The following ADPRHL1 variants were observed in gnomAD, a reference collection of about 807,000 sequenced individuals.
ADPRHL1 encodes inactive ADP-ribosyltransferase ARH2.
In ADPRHL1, 43 loss-of-function variants were observed where a neutral mutation model predicts 44.1. The observed-to-expected ratio is 0.98, with a 90% confidence interval of 0.76 to 1.26. The LOEUF (loss-of-function observed/expected upper bound fraction) is 1.26, where lower values mean the gene tolerates loss of function less well. Among genes scored for constraint, ADPRHL1 ranks in the 50% most tolerant of loss-of-function variants. ADPRHL1 has a pLI of 0.00. For missense variants in ADPRHL1, 2,022 were observed against 2,496.9 expected (o/e 0.81, Z 4.05); for synonymous variants, 878 against 1,017.4 (o/e 0.86, Z 2.61).
At position 113,403,280 on chromosome 13, in the gene ADPRHL1, G is replaced by T; in HGVS notation, c.*98C>A. 9.9e-7 allele frequency: 1 copy of T among 1,006,454 alleles called. No homozygotes were observed. The highest frequency in any genetic ancestry group is 1.3e-6 in the Non-Finnish European group (1 of 782,936). 62.3% of individuals were successfully genotyped at this position (1,006,454 alleles called of 1,614,324 possible). A position where few individuals can be genotyped will look rare whatever the true frequency, so the allele number is the denominator to read the frequency against. ...TTATGGAAACAGGCGTCTCTGTAGG[G>T]GATGCTCCAAGACGCATTTGGAGGC... On this transcript the variant is annotated 3_prime_UTR_variant, in exon 8 of 8. Transcript: ENST00000612156.
Position 113,432,261 on chromosome 13 carries a change from C to T in ADPRHL1, c.505+1481G>A, listed in dbSNP as rs540872299. Among the ~76,000 whole-genome samples the T allele has an allele frequency of 3.3e-5, 5 of 152,090 alleles. No individual in the cohort carries two copies. In the South Asian group the frequency reaches 6.2e-4, roughly 19 times the overall value. On this transcript the variant is annotated intron_variant, in intron 3 of 7. Transcript: ENST00000612156. ...ACATCAGTAGCTGGAAACACAGGTG[C>T]GTGCCGTCATGCCTGGCTAATTTTT... is the stretch of plus-strand genomic sequence containing the variant.
chr13:113,420,073 C>T (rs2043907895), intron 7 of ADPRHL1, among the ~76,000 whole-genome samples: 1 of 152,156 alleles, frequency 6.6e-6, no homozygotes, highest in African/African-American at 2.4e-5. Context: ...AGCAGCTTTC[C>T]CCACACGCCG....
chr13:113,422,969 C>G lies in ADPRHL1; in HGVS notation c.918G>C (p.Ala306=), dbSNP rs559424116. ...HRAMFHGGES[A]ATGTIAGCLF... ...GGCAGCCTGCAATGGTGCCCGTGGCCGCGCTCTCCCCTGAAACGCAAAGGC... is the reference window on the plus strand; with the variant it reads ...GGCAGCCTGCAATGGTGCCCGTGGCGGCGCTCTCCCCTGAAACGCAAAGGC... The change falls in exon 7 of 8, where the codon GCG becomes GCC. Residue 306 remains alanine, a synonymous_variant. Coordinates refer to ENST00000612156, the MANE Select transcript of ADPRHL1 (RefSeq NM_001394807.1). 1 of 1,612,842 alleles carries G rather than the reference C, an allele frequency of 6.2e-7. No individual in the cohort carries two copies.
At position 113,408,262 on chromosome 13, in the gene ADPRHL1, T is replaced by C. The variant is rs150279387; in HGVS notation, c.1062-42A>G. 206 of 1,231,602 alleles carry C rather than the reference T, an allele frequency of 1.7e-4. 1 individual carries two copies. The African/African-American group carries it at 2.9e-3, about 18-fold the overall frequency. The allele number at this position is 1,231,602 out of a possible 1,614,324, so 76.3% of individuals were successfully genotyped here. A position where few individuals can be genotyped will look rare whatever the true frequency, so the allele number is the denominator to read the frequency against. On this transcript the variant is annotated intron_variant, in intron 7 of 7. Coordinates refer to ENST00000612156, the MANE Select transcript of ADPRHL1 (RefSeq NM_001394807.1). ...ATCATCACCTACTTCATCATCATTT[T>C]TCTCCAAGATGACTCTATAGAACAT...
chr13:113,435,096 C>A (rs1433746387), intron 2 of ADPRHL1, among the ~76,000 whole-genome samples: 2 of 139,014 alleles, frequency 1.4e-5, no homozygotes, highest in Non-Finnish European at 3.1e-5. Flanking sequence ...TACCCTGGGA[C>A]CCAGCACCCA....
Position 113,406,205 on chromosome 13 carries a change from TGCTG to T in ADPRHL1, c.3073_3076del (p.Gln1025LysfsTer35), listed in dbSNP as rs960143450. ...GTTTCTCCCAGTCGGGGACGGCACT[TGCTG>T]GCTGCTGGAGGCATGGCTGGTGTTT... is the stretch of plus-strand genomic sequence containing the variant. On this transcript the variant is annotated frameshift_variant, in exon 8 of 8. Transcript: ENST00000612156. LOFTEE classifies it low-confidence loss of function (END_TRUNC). 8.4e-5 allele frequency: 104 copies of T among 1,232,158 alleles called. No homozygotes were observed. In the African/African-American group the frequency reaches 1.3e-3, roughly 15 times the overall value. The allele number at this position is 1,232,158 out of a possible 1,614,324, so 76.3% of individuals were successfully genotyped here.
At chr13:113,430,902 C>G (rs2044002562) in intron 3 of ADPRHL1, among the ~76,000 whole-genome samples, 1 of 152,226 alleles carries the variant, frequency 6.6e-6, no homozygotes, top group Admixed American at 6.5e-5. Flanking sequence ...TTGCCGAGCC[C>G]TTGCCCCACT....
At position 113,444,594 on chromosome 13, in the gene ADPRHL1, G is replaced by A. The variant is rs745793071; in HGVS notation, c.215-5C>T. 29 of 1,612,250 alleles carry A rather than the reference G, an allele frequency of 1.8e-5. No homozygotes were observed. Among genetic ancestry groups the A allele is most frequent in the African/African-American group, 9.4e-5 (7 of 74,862 alleles). ...GATCATCCAGGCACCAGTAGTCTGC[G>A]GAAGAAAGGGAGGGCAGACATCAGA... is the stretch of plus-strand genomic sequence containing the variant. On this transcript the variant is annotated splice_region_variant and splice_polypyrimidine_tract_variant and intron_variant, in intron 1 of 7. Coordinates refer to ENST00000612156, the MANE Select transcript of ADPRHL1 (RefSeq NM_001394807.1).
intron 2 of ADPRHL1, among the ~76,000 whole-genome samples, chr13:113,440,208 T>C (rs1475284856): frequency 6.6e-6 from 1 of 152,254 alleles, no homozygotes; most frequent in Non-Finnish European, 1.5e-5. Flanking sequence ...TCACTGCCTA[T>C]AACTGTGGGT....
intron 1 of ADPRHL1, among the ~76,000 whole-genome samples, chr13:113,448,836 C>A (rs916459088): frequency 8.5e-5 from 13 of 152,240 alleles, no homozygotes; most frequent in Non-Finnish European, 1.8e-4. Flanking sequence ...CCGTTTAATC[C>A]TCTGTGACCT....
chr13:113,410,706 C>T (rs1311978521), intron 7 of ADPRHL1, among the ~76,000 whole-genome samples: 1 of 133,880 alleles, frequency 7.5e-6, no homozygotes, highest in African/African-American at 3.3e-5. Flanking sequence ...CCACACCCCC[C>T]TGAACCCAGA....
intron 7 of ADPRHL1, among the ~76,000 whole-genome samples, chr13:113,421,555 C>T (rs1201920435): frequency 1.3e-5 from 2 of 152,142 alleles, no homozygotes; most frequent in Non-Finnish European, 2.9e-5. Context: ...GGGAGGCGGC[C>T]GGGGAGTGAG....
intron 7 of ADPRHL1, among the ~76,000 whole-genome samples, chr13:113,418,523 A>C (rs892590661): frequency 1.3e-5 from 2 of 152,222 alleles, no homozygotes; most frequent in Non-Finnish European, 2.9e-5. Flanking sequence ...CTCTAATCAA[A>C]GAGTTTGGGA....
At chr13:113,410,911 G>A (rs1376778970) in intron 7 of ADPRHL1, among the ~76,000 whole-genome samples, 6 of 152,352 alleles carry the variant, frequency 3.9e-5, no homozygotes, top group South Asian at 2.1e-4. Flanking sequence ...TTGGCGGCCC[G>A]TGGAGGGCTG....
At position 113,427,685 on chromosome 13, in the gene ADPRHL1, G is replaced by A. The variant is rs574887273; in HGVS notation, c.646+1267C>T. Among the ~76,000 whole-genome samples the A allele has an allele frequency of 2.0e-5, 3 of 152,350 alleles. No individual in the cohort carries two copies. The East Asian group carries it at 5.8e-4, about 29-fold the overall frequency. On this transcript the variant is annotated intron_variant, in intron 4 of 7. Transcript: ENST00000612156. ...GAGATGAAACCACTGGAAACAAAGT[G>A]TGCTGTGGCCTGCCAGGTGTGCTCA...
chr13:113,450,272 T>C (rs1035643804), intron 1 of ADPRHL1, among the ~76,000 whole-genome samples: 17 of 152,188 alleles, frequency 1.1e-4, no homozygotes, highest in African/African-American at 3.9e-4. Flanking sequence ...CAATTTGTTA[T>C]TTAAAGAACA....
At chr13:113,408,613 T>G (rs2043826300) in intron 7 of ADPRHL1, among the ~76,000 whole-genome samples, 1 of 152,208 alleles carries the variant, frequency 6.6e-6, no homozygotes, top group Non-Finnish European at 1.5e-5. Flanking sequence ...TATAAAGAAG[T>G]GTCTATTCTC....
chr13:113,436,117 C>T (rs1216424743), intron 2 of ADPRHL1, among the ~76,000 whole-genome samples: 21 of 47,486 alleles, frequency 4.4e-4, no homozygotes, highest in Middle Eastern at 0.019. Context: ...AGCATCCACA[C>T]GTAGAGTGAA....
chr13:113,436,392 CCGGGACCCAGCACCCAGG>C (rs1166995274), intron 2 of ADPRHL1, among the ~76,000 whole-genome samples: 5 of 37,360 alleles, frequency 1.3e-4, no homozygotes, highest in Admixed American at 2.8e-4. Context: ...TAGGTGTACC[CCGGGACCCAGCACCCAGG>C]TGTAGGGTGA....
Sources: gnomAD v4.1 joint callset for allele counts (sites outside exome capture counted in the v4.1 genomes callset) on GRCh38, gnomAD v4.1.1 for gene constraint, MANE v1.5 for transcripts, NCBI Gene and HGNC (gene_info 2026-07-23, HGNC 2026-07-21) for gene names.